The following NR6A1 variants were observed in gnomAD, a reference collection of about 807,000 sequenced individuals.
NR6A1 encodes the protein retinoic acid receptor-related testis-associated receptor.
A neutral mutation model predicts 59.1 loss-of-function variants in NR6A1; 7 were observed. The ratio of observed to expected loss-of-function variants is 0.12; its 90% CI spans 0.07 to 0.22. NR6A1 has a LOEUF of 0.22. Among genes scored for constraint, NR6A1 ranks in the 10% least tolerant of loss-of-function variants. NR6A1 has a pLI of 1.00. For missense variants in NR6A1, 468 were observed against 611.6 expected (o/e 0.77, Z 2.48); for synonymous variants, 243 against 236.1 (o/e 1.03, Z -0.27).
At chr9:124,594,799 G>A (rs1187786486) in intron 2 of NR6A1, among the ~76,000 whole-genome samples, 1 of 152,162 alleles carries the variant, frequency 6.6e-6, no homozygotes, top group Non-Finnish European at 1.5e-5. Flanking sequence ...CCTGGTTTGT[G>A]CATCCCCAGA....
intron 3 of NR6A1, among the ~76,000 whole-genome samples, chr9:124,552,781 T>C (rs947310027): frequency 6.6e-6 from 1 of 152,192 alleles, no homozygotes; most frequent in Non-Finnish European, 1.5e-5. Flanking sequence ...CATAAATAAG[T>C]GCTCAATATT....
intron 2 of NR6A1, among the ~76,000 whole-genome samples, chr9:124,628,555 G>A (rs1388929213): frequency 2.6e-5 from 4 of 151,802 alleles, no homozygotes; most frequent in African/African-American, 7.3e-5. Context: ...TGTTGACCAG[G>A]ATGGTCTCAA....
intron 2 of NR6A1, among the ~76,000 whole-genome samples, chr9:124,710,404 C>G (rs1238342985): frequency 6.6e-6 from 1 of 152,210 alleles, no homozygotes; most frequent in Admixed American, 6.5e-5. Flanking sequence ...AACACACACA[C>G]ACACATACAC....
rs755345566 is a variant in NR6A1, at chr9:124,524,729, T to C, written c.1346A>G (p.Tyr449Cys). The change falls in exon 9 of 10, where the codon TAT (tyrosine) becomes TGT (cysteine). Residue 449 changes from tyrosine (Y) to cysteine (C), a missense_variant. Around this residue, in one of 4 missense-constraint regions of NR6A1, gnomAD observed 176 missense variants for 264.0 expected, o/e 0.67. Coordinates refer to ENST00000487099, the MANE Select transcript of NR6A1 (RefSeq NM_033334.4). Reference protein sequence around the residue: ...DLMMCLPEIRYIAGKMVNVPL... With the variant: ...DLMMCLPEIRCIAGKMVNVPL... ...AAGACCCAGAATGTTACCTGCAATA[T>C]ATCGAATCTCAGGTAAGCACATCAT... is the stretch of plus-strand genomic sequence containing the variant. 2 of 1,613,616 alleles carry C rather than the reference T, an allele frequency of 1.2e-6. No homozygotes were observed. The highest frequency in any genetic ancestry group is 3.3e-5 in the Admixed American group (2 of 59,946).
At position 124,771,284 on chromosome 9, in the gene NR6A1, C is replaced by T. The variant is rs1841161565; in HGVS notation, c.-165G>A. 1.3e-5 allele frequency: 5 copies of T among 392,132 alleles called. No homozygotes were observed. Among genetic ancestry groups the T allele is most frequent in the Non-Finnish European group, 4.5e-6 (1 of 224,322 alleles). 24.3% of individuals were successfully genotyped at this position (392,132 alleles called of 1,614,324 possible). ...CCGCCCGGCTCCGCGCCGCTCCGCG[C>T]CCCTCCGCGCCGCGCCCCCTCAGCA... On this transcript the variant is annotated 5_prime_UTR_variant, in exon 1 of 10. Coordinates refer to ENST00000487099, the MANE Select transcript of NR6A1 (RefSeq NM_033334.4).
At chr9:124,627,808 A>C (rs150570859) in intron 2 of NR6A1, among the ~76,000 whole-genome samples, 1 of 151,360 alleles carries the variant, frequency 6.6e-6, no homozygotes, top group African/African-American at 2.4e-5. Flanking sequence ...CCTGGACTCA[A>C]GCCATCTGCC....
chr9:124,703,709 C>T (rs1839035599), intron 2 of NR6A1, among the ~76,000 whole-genome samples: 1 of 152,138 alleles, frequency 6.6e-6, no homozygotes, highest in South Asian at 2.1e-4. Flanking sequence ...CTGCAGGTTC[C>T]CTGTGGTATC....
chr9:124,750,623 G>T (rs1251490744), intron 1 of NR6A1, among the ~76,000 whole-genome samples: 1 of 152,084 alleles, frequency 6.6e-6, no homozygotes, highest in Non-Finnish European at 1.5e-5. Context: ...AGCCGGGCGT[G>T]GTGGTGGGCG....
At chr9:124,722,048 C>T (rs1054149202) in intron 2 of NR6A1, among the ~76,000 whole-genome samples, 11 of 152,138 alleles carry the variant, frequency 7.2e-5, no homozygotes, top group Non-Finnish European at 1.6e-4. Context: ...ATTAGCTATC[C>T]TTACTATTAT....
chr9:124,544,141 G>A (rs577378540), intron 3 of NR6A1, among the ~76,000 whole-genome samples: 39 of 152,320 alleles, frequency 2.6e-4, no homozygotes, highest in African/African-American at 9.1e-4. Context: ...TAGTCCTTCA[G>A]TTACAAACAT....
chr9:124,542,687 TC>T (rs1293297398), intron 4 of NR6A1, among the ~76,000 whole-genome samples: 1 of 152,198 alleles, frequency 6.6e-6, no homozygotes, highest in Admixed American at 6.5e-5. Context: ...GCCTCTTGGC[TC>T]ATACCAGTAA....
intron 2 of NR6A1, among the ~76,000 whole-genome samples, chr9:124,587,800 A>G (rs962937524): frequency 6.6e-6 from 1 of 152,216 alleles, no homozygotes. Context: ...TACACATTAC[A>G]TTCACATGAC....
chr9:124,712,020 G>A (rs557022553), intron 2 of NR6A1, among the ~76,000 whole-genome samples: 1 of 152,160 alleles, frequency 6.6e-6, no homozygotes, highest in Non-Finnish European at 1.5e-5. Context: ...TCCGAGTTTT[G>A]CAAGCACAGG....
At chr9:124,701,827 G>A (rs547619765) in intron 2 of NR6A1, among the ~76,000 whole-genome samples, 4 of 152,144 alleles carry the variant, frequency 2.6e-5, no homozygotes, top group South Asian at 2.1e-4. Flanking sequence ...GGGTTCATGC[G>A]ATTCTCCTGC....
At chr9:124,581,338 T>TAATCCCAGCACTTTGGTAGGCC (rs1394131311) in intron 2 of NR6A1, among the ~76,000 whole-genome samples, 1 of 152,146 alleles carries the variant, frequency 6.6e-6, no homozygotes, top group African/African-American at 2.4e-5. Context: ...CTCACGCTTG[T>TAATCCCAGCACTTTGGTAGGCC]AATCCCAGCA....
intron 2 of NR6A1, among the ~76,000 whole-genome samples, chr9:124,725,699 A>G (rs1839693648): frequency 6.6e-6 from 1 of 152,228 alleles, no homozygotes; most frequent in Non-Finnish European, 1.5e-5. Flanking sequence ...GCACTTTGGG[A>G]GACCAAGGCA....
intron 2 of NR6A1, among the ~76,000 whole-genome samples, chr9:124,708,618 A>G (rs1287261264): frequency 6.6e-6 from 1 of 152,210 alleles, no homozygotes; most frequent in Non-Finnish European, 1.5e-5. Flanking sequence ...TCAGTTCCAG[A>G]AAGCAACAGC....
intron 2 of NR6A1, among the ~76,000 whole-genome samples, chr9:124,679,659 G>C (rs1838071041): frequency 6.6e-6 from 1 of 152,056 alleles, no homozygotes; most frequent in Non-Finnish European, 1.5e-5. Flanking sequence ...GAGAGGCCAA[G>C]GCAGTGGATC....
intron 2 of NR6A1, among the ~76,000 whole-genome samples, chr9:124,702,284 T>C (rs116314174): frequency 0.01 from 1,571 of 152,282 alleles, 27 homozygotes; most frequent in African/African-American, 0.036. Context: ...TTTTTGTGTC[T>C]AGTGTAAAAT....
Sources: gnomAD v4.1 joint callset for allele counts (sites outside exome capture counted in the v4.1 genomes callset) on GRCh38, gnomAD v4.1.1 for gene constraint, gnomAD v4.1.1 regional missense constraint, MANE v1.5 for transcripts, NCBI Gene and HGNC (gene_info 2026-07-23, HGNC 2026-07-21) for gene names.